Variants in RERE observed in about 807,000 individuals in gnomAD.
RERE encodes arginine-glutamic acid dipeptide repeats protein.
A neutral mutation model predicts 146.1 loss-of-function variants in RERE; 40 were observed. The observed-to-expected ratio is 0.27, with a 90% CI of 0.21 to 0.36. The LOEUF is 0.36. Ranked by LOEUF, RERE falls within the 10% of genes least tolerant of loss-of-function variation. The pLI, the probability that RERE is intolerant of heterozygous loss-of-function variation, is 1.00. For synonymous variants in RERE, 1,003 were observed against 866.0 expected (o/e 1.16, Z -2.78); for missense variants, 1,933 against 2,138.7 (o/e 0.90, Z 1.90).
At chr1:8,424,769 G>A (rs1429367959) in intron 11 of RERE, 1 of 152,480 alleles carries the variant, frequency 6.6e-6, no homozygotes, top group Non-Finnish European at 1.5e-5. Context: ...GGTGAAGCTA[G>A]GAAGAGGAAG....
At chr1:8,726,476 C>T (rs1428029977) in intron 1 of RERE, among the ~76,000 whole-genome samples, 1 of 151,924 alleles carries the variant, frequency 6.6e-6, no homozygotes, top group African/African-American at 2.4e-5. Flanking sequence ...TTTTCTAAGA[C>T]AGTATTGTAA....
intron 4 of RERE, among the ~76,000 whole-genome samples, chr1:8,563,204 T>C (rs766527105): frequency 6.6e-5 from 10 of 152,210 alleles, no homozygotes; most frequent in African/African-American, 1.4e-4. Context: ...ATTTAGTGTT[T>C]TATCAATTTA....
At chr1:8,566,815 G>T (rs1646158576) in intron 4 of RERE, among the ~76,000 whole-genome samples, 1 of 148,684 alleles carries the variant, frequency 6.7e-6, no homozygotes, top group African/African-American at 2.5e-5. Flanking sequence ...TTTTGAGACG[G>T]AGTCTCACTC....
chr1:8,416,315 G>A (rs1643757260), intron 12 of RERE, among the ~76,000 whole-genome samples: 1 of 152,312 alleles, frequency 6.6e-6, no homozygotes, highest in African/African-American at 2.4e-5. Context: ...GTCAGGCGCG[G>A]TGGCTCACAC....
intron 7 of RERE, among the ~76,000 whole-genome samples, chr1:8,537,769 C>T (rs1195900847): frequency 6.6e-6 from 1 of 152,072 alleles, no homozygotes; most frequent in African/African-American, 2.4e-5. Context: ...CACTATCACA[C>T]ATTATTAGTT....
At chr1:8,755,230 T>C (rs897018375) in intron 1 of RERE, among the ~76,000 whole-genome samples, 5 of 152,246 alleles carry the variant, frequency 3.3e-5, no homozygotes, top group Non-Finnish European at 7.3e-5. Context: ...CCACTGGCTA[T>C]GCTTAATTTA....
chr1:8,543,518 GTAAT>G (rs1253098493), intron 6 of RERE, among the ~76,000 whole-genome samples: 1 of 152,140 alleles, frequency 6.6e-6, no homozygotes, highest in Non-Finnish European at 1.5e-5. Flanking sequence ...TTAAACTGGA[GTAAT>G]TAATGTATCA....
At chr1:8,700,465 A>T (rs951582264) in intron 1 of RERE, among the ~76,000 whole-genome samples, 22 of 152,096 alleles carry the variant, frequency 1.4e-4, no homozygotes, top group Non-Finnish European at 3.2e-4. Context: ...AAAAGACTCA[A>T]ATCTACTCAT....
intron 1 of RERE, among the ~76,000 whole-genome samples, chr1:8,692,587 G>A (rs1405380320): frequency 6.6e-6 from 1 of 152,074 alleles, no homozygotes; most frequent in African/African-American, 2.4e-5. Flanking sequence ...GATCTCAAGT[G>A]ATCTGCCCGT....
chr1:8,766,016 G>A (rs1640839188), intron 1 of RERE, among the ~76,000 whole-genome samples: 1 of 152,098 alleles, frequency 6.6e-6, no homozygotes, highest in Non-Finnish European at 1.5e-5. Context: ...GGGAGGCTGA[G>A]GCAGGAGAAT....
intron 1 of RERE, among the ~76,000 whole-genome samples, chr1:8,785,896 AC>A (rs1641251098): frequency 6.6e-6 from 1 of 152,108 alleles, no homozygotes; most frequent in Non-Finnish European, 1.5e-5. Flanking sequence ...TGCTGGGATT[AC>A]AGGTATGAGC....
intron 1 of RERE, among the ~76,000 whole-genome samples, chr1:8,789,302 ATATAT>A (rs1329209763): frequency 1.8e-5 from 1 of 54,148 alleles, no homozygotes; most frequent in African/African-American, 1.1e-4. Context: ...AAAAAAAAAA[ATATAT>A]ATATATATAT....
chr1:8,386,004 ATATATATATATATATATATTTTTTTT>A (rs1442069471), intron 12 of RERE, among the ~76,000 whole-genome samples: 1 of 35,218 alleles, frequency 2.8e-5, no homozygotes, highest in East Asian at 5.9e-4. Context: ...ATATATATAT[ATATATATATATATATATATTTTTTTT>A]TTTTTTTTTT....
intron 7 of RERE, among the ~76,000 whole-genome samples, chr1:8,509,430 A>ATCCG (rs1204405208): frequency 1.0e-3 from 91 of 87,310 alleles, no homozygotes; most frequent in African/African-American, 2.6e-3. Flanking sequence ...CCATCCATCC[A>ATCCG]TCCATCCGTC....
At chr1:8,578,942 C>G (rs1024529723) in intron 4 of RERE, among the ~76,000 whole-genome samples, 3 of 152,176 alleles carry the variant, frequency 2.0e-5, no homozygotes, top group African/African-American at 7.2e-5. Context: ...ATCTAAGGAG[C>G]CCTTGTTTAG....
chr1:8,648,352 C>T (rs1237647935), intron 2 of RERE, among the ~76,000 whole-genome samples: 1 of 152,144 alleles, frequency 6.6e-6, no homozygotes, highest in Non-Finnish European at 1.5e-5. Flanking sequence ...CCACCTCAGC[C>T]TCCCAAGTAG....
intron 1 of RERE, among the ~76,000 whole-genome samples, chr1:8,696,269 C>A (rs1287875080): frequency 6.6e-6 from 1 of 152,124 alleles, no homozygotes; most frequent in Non-Finnish European, 1.5e-5. Context: ...TACACAATAC[C>A]AAAGACATGG....
intron 4 of RERE, among the ~76,000 whole-genome samples, chr1:8,581,558 T>C (rs1343124166): frequency 6.6e-6 from 1 of 152,222 alleles, no homozygotes; most frequent in Admixed American, 6.5e-5. Flanking sequence ...TGATTTCTTC[T>C]ACAAGTTTTT....
intron 12 of RERE, among the ~76,000 whole-genome samples, chr1:8,370,862 G>A (rs935479679): frequency 6.6e-6 from 1 of 152,208 alleles, no homozygotes; most frequent in African/African-American, 2.4e-5. Context: ...ATTAACACAG[G>A]CAATCATTAA....
Sources: allele counts gnomAD v4.1 joint callset (sites outside exome capture counted in the v4.1 genomes callset), GRCh38; gene constraint gnomAD v4.1.1; transcripts MANE v1.5; gene names NCBI Gene and HGNC (gene_info 2026-07-23, HGNC 2026-07-21).